Variants in SPTAN1 observed in about 807,000 individuals in gnomAD.
The protein encoded by SPTAN1 is spectrin alpha chain, non-erythrocytic 1.
SPTAN1 carries 61 observed loss-of-function variants against 331.3 expected under a neutral mutation model. The observed-to-expected ratio is 0.18, with a 90% CI of 0.15 to 0.23. The LOEUF (loss-of-function observed/expected upper bound fraction) is 0.23, where lower values mean the gene tolerates loss of function less well. Ranked by LOEUF, SPTAN1 falls within the 10% of genes least tolerant of loss-of-function variation. SPTAN1 has a pLI of 1.00. For missense variants in SPTAN1, 2,043 were observed against 3,147.9 expected (o/e 0.65, Z 8.40); for synonymous variants, 1,153 against 1,173.9 (o/e 0.98, Z 0.36).
chr9:128,553,007 G>GC (rs1169646155), intron 1 of SPTAN1: 2 of 152,350 alleles, frequency 1.3e-5, no homozygotes, highest in African/African-American at 4.8e-5. Flanking sequence ...GCGCGGCCCT[G>GC]CCCTGCCCCA....
At chr9:128,569,343 C>T (rs1452761398) in intron 3 of SPTAN1, among the ~76,000 whole-genome samples, 1 of 151,964 alleles carries the variant, frequency 6.6e-6, no homozygotes, top group Non-Finnish European at 1.5e-5. Flanking sequence ...GGCAGCAAGC[C>T]TGTTAAAGCT....
chr9:128,600,907 C>T (rs1222622558), intron 27 of SPTAN1, among the ~76,000 whole-genome samples: 1 of 151,246 alleles, frequency 6.6e-6, no homozygotes, highest in East Asian at 1.9e-4. Context: ...AGGTGATCTG[C>T]CTGCCTCAGC....
chr9:128,556,775 G>A (rs1276262863), intron 1 of SPTAN1, among the ~76,000 whole-genome samples: 2 of 152,118 alleles, frequency 1.3e-5, no homozygotes, highest in Admixed American at 6.5e-5. Flanking sequence ...TTTTATTTAT[G>A]GTGTTCAGTC....
intron 40 of SPTAN1, among the ~76,000 whole-genome samples, chr9:128,614,538 C>T (rs946184201): frequency 1.3e-5 from 2 of 150,384 alleles, no homozygotes; most frequent in East Asian, 3.9e-4. Context: ...TGCAGTGAGC[C>T]GAGATTGTGT....
At chr9:128,619,763 A>G (rs1857614183) in intron 44 of SPTAN1, among the ~76,000 whole-genome samples, 1 of 152,252 alleles carries the variant, frequency 6.6e-6, no homozygotes, top group African/African-American at 2.4e-5. Context: ...AGTTCAGCCC[A>G]TCACATACTC....
Position 128,581,778 on chromosome 9 carries a change from C to T in SPTAN1, c.1462-4C>T. 6.2e-7 allele frequency: 1 copy of T among 1,609,772 alleles called. No individual in the cohort carries two copies. ...ATTCTGAACACTTTGTTTCCTTTGG[C>T]AAGGCGTTCCTGTTGAATGAAGACT... On this transcript the variant is annotated splice_polypyrimidine_tract_variant and splice_region_variant and intron_variant, in intron 11 of 56. Coordinates refer to ENST00000372739, the MANE Select transcript of SPTAN1 (RefSeq NM_001130438.3).
At chr9:128,591,833 A>G (rs1853576905) in intron 22 of SPTAN1, among the ~76,000 whole-genome samples, 1 of 151,992 alleles carries the variant, frequency 6.6e-6, no homozygotes, top group Non-Finnish European at 1.5e-5. Context: ...TTTTTCCACC[A>G]GTGTTCATGA....
chr9:128,632,329 C>T lies in SPTAN1; in HGVS notation c.6959+6C>T, dbSNP rs542848685. 32 of 1,613,450 alleles carry T rather than the reference C, an allele frequency of 2.0e-5. No homozygotes were observed. Among genetic ancestry groups the T allele is most frequent in the South Asian group, 1.8e-4 (16 of 91,058 alleles). On this transcript the variant is annotated splice_donor_region_variant and intron_variant, in intron 53 of 56. Transcript: ENST00000372739. ...GAGCAGCAGATCCAGGCCAGGTACC[C>T]GGGAGGGCTGTGGGCCAGGCTCAGC...
In SPTAN1 at chr9:128,632,329, C is replaced by A; in HGVS notation, c.6959+6C>A. ...GAGCAGCAGATCCAGGCCAGGTACC[C>A]GGGAGGGCTGTGGGCCAGGCTCAGC... On this transcript the variant is annotated splice_donor_region_variant and intron_variant, in intron 53 of 56. Transcript: ENST00000372739. 1 of 1,613,450 alleles carries A rather than the reference C, an allele frequency of 6.2e-7. No homozygotes were observed. The highest frequency in any genetic ancestry group is 2.2e-5 in the East Asian group (1 of 44,854).
Position 128,607,618 on chromosome 9 carries a change from G to A in SPTAN1, c.4061G>A (p.Trp1354Ter). ...FLSDFRDLMS[W>*]INGIRGLVSS... ...CTGGTTTCCAGGGACCTCATGTCTT[G>A]GATCAATGGAATACGGGGGTTGGTG... The change falls in exon 32 of 57, where the codon TGG becomes TAG. Residue 1354 changes from tryptophan (W) to a stop codon, truncating the protein, a stop_gained. Coordinates refer to ENST00000372739, the MANE Select transcript of SPTAN1 (RefSeq NM_001130438.3). LOFTEE classifies it high-confidence loss of function. 6.2e-7 allele frequency: 1 copy of A among 1,613,924 alleles called. No individual in the cohort carries two copies. Among genetic ancestry groups the A allele is most frequent in the Non-Finnish European group, 8.5e-7 (1 of 1,179,958 alleles).
intron 24 of SPTAN1, among the ~76,000 whole-genome samples, chr9:128,597,305 C>T (rs1433512767): frequency 6.6e-6 from 1 of 152,112 alleles, no homozygotes; most frequent in Admixed American, 6.5e-5. Flanking sequence ...CACCTGGCCT[C>T]ATCACATTTT....
intron 21 of SPTAN1, among the ~76,000 whole-genome samples, chr9:128,589,352 G>A (rs928287146): frequency 2.1e-5 from 3 of 145,292 alleles, no homozygotes; most frequent in Admixed American, 7.2e-5. Flanking sequence ...GCAGTGGCAC[G>A]ATTTCAGCTC....
chr9:128,607,696 G>T lies in SPTAN1; in HGVS notation c.4139G>T (p.Arg1380Leu). The T allele has an allele frequency of 6.2e-7, 1 of 1,613,992 alleles. No homozygotes were observed. Among genetic ancestry groups the T allele is most frequent in the South Asian group, 1.1e-5 (1 of 91,006 alleles). The change falls in exon 32 of 57, where the codon CGA (arginine) becomes CTA (leucine). Residue 1380 changes from arginine (R) to leucine (L), a missense_variant. This residue lies in a region of SPTAN1 where 179 missense variants were observed against 215.7 expected (regional missense o/e 0.83). Transcript: ENST00000372739. ...ACCGGAGCTGAGGCATTGCTGGAGC[G>T]ACACCAGGTGGGTGGACCTGCCTGC... ...DVTGAEALLE[R>L]HQEHRTEIDA...
chr9:128,613,743 G>A (rs981878170), intron 40 of SPTAN1, among the ~76,000 whole-genome samples: 1 of 152,140 alleles, frequency 6.6e-6, no homozygotes, highest in Non-Finnish European at 1.5e-5. Flanking sequence ...GTGGCTTACG[G>A]CTGTAATCCC....
chr9:128,578,988 A>G (rs1851636909), intron 9 of SPTAN1, among the ~76,000 whole-genome samples: 1 of 152,218 alleles, frequency 6.6e-6, no homozygotes, highest in African/African-American at 2.4e-5. Context: ...AGTACTTAGG[A>G]ATAAGTCTAA....
intron 45 of SPTAN1, among the ~76,000 whole-genome samples, chr9:128,623,953 T>G (rs1858317165): frequency 7.3e-6 from 1 of 136,270 alleles, no homozygotes; most frequent in African/African-American, 3.2e-5. Flanking sequence ...ATGGTGGTGT[T>G]CGCCTATTAG....
Position 128,611,853 on chromosome 9 carries a change from C to T in SPTAN1, c.4905+8C>T, listed in dbSNP as rs1452368883. Reference sequence around the variant, plus strand: ...AGTGAGGATGCTGTCAAGGTATGGCCCACCAGCTCCCGGTGCCCAGGGAGG... The same window carrying T: ...AGTGAGGATGCTGTCAAGGTATGGCTCACCAGCTCCCGGTGCCCAGGGAGG... On this transcript the variant is annotated splice_region_variant and intron_variant, in intron 38 of 56. Coordinates refer to ENST00000372739, the MANE Select transcript of SPTAN1 (RefSeq NM_001130438.3). 1 of 1,614,102 alleles carries T rather than the reference C, an allele frequency of 6.2e-7. No individual in the cohort carries two copies. Among genetic ancestry groups the T allele is most frequent in the Admixed American group, 1.7e-5 (1 of 59,998 alleles).
At chr9:128,566,115 G>A (rs930949606) in intron 1 of SPTAN1, among the ~76,000 whole-genome samples, 3 of 152,184 alleles carry the variant, frequency 2.0e-5, no homozygotes, top group Non-Finnish European at 4.4e-5. Flanking sequence ...GGAGCGCAGT[G>A]GTGCAATGAT....
At chr9:128,591,301 C>T (rs1014753976) in intron 21 of SPTAN1, among the ~76,000 whole-genome samples, 176 bp from the exon 22 acceptor site, 5 of 151,900 alleles carry the variant, frequency 3.3e-5, no homozygotes, top group African/African-American at 4.8e-5. Context: ...CTCCTGACCT[C>T]GTAATCCACC....
Sources: gnomAD v4.1 joint callset for allele counts (sites outside exome capture counted in the v4.1 genomes callset) on GRCh38, gnomAD v4.1.1 for gene constraint, gnomAD v4.1.1 regional missense constraint, MANE v1.5 for transcripts, NCBI Gene and HGNC (gene_info 2026-07-23, HGNC 2026-07-21) for gene names.